Variants in CFAP61 observed in about 807,000 individuals in gnomAD.
CFAP61 encodes the protein cilia- and flagella-associated protein 61.
Under a neutral mutation model 135.6 loss-of-function variants are expected in CFAP61, and 107 were observed. That is an observed-to-expected ratio of 0.79 (90% confidence interval 0.67 to 0.93). The LOEUF is 0.93. Ranked by LOEUF, CFAP61 falls within the 40% of genes least tolerant of loss-of-function variation. The probability of loss-of-function intolerance (pLI) is 0.00; values close to 1 mark genes in which losing one functional copy is unlikely to be tolerated. For synonymous variants in CFAP61, 575 were observed against 578.5 expected (o/e 0.99, Z 0.09); for missense variants, 1,507 against 1,556.2 (o/e 0.97, Z 0.53).
chr20:20,128,036 C>T (rs2050208441), intron 8 of CFAP61, among the ~76,000 whole-genome samples: 1 of 151,770 alleles, frequency 6.6e-6, no homozygotes, highest in South Asian at 2.1e-4. Flanking sequence ...CTCATTCCCA[C>T]TGTGCCCCAC....
intron 25 of CFAP61, among the ~76,000 whole-genome samples, chr20:20,299,974 G>A (rs950453471): frequency 2.6e-5 from 4 of 152,266 alleles, no homozygotes; most frequent in Admixed American, 6.5e-5. Flanking sequence ...GTATGGTCAC[G>A]TGCCACATAA....
intron 8 of CFAP61, among the ~76,000 whole-genome samples, chr20:20,142,325 A>G (rs1345708072): frequency 1.3e-5 from 2 of 152,234 alleles, no homozygotes; most frequent in Non-Finnish European, 2.9e-5. Context: ...CTGGCAGAGC[A>G]TGAGTTCACA....
At chr20:20,228,673 G>A (rs909332412) in intron 18 of CFAP61, 3 of 240,278 alleles carry the variant, frequency 1.2e-5, no homozygotes, top group Non-Finnish European at 2.5e-5. Context: ...CAGATTAGAT[G>A]GCAGACTCCT....
At chr20:20,310,803 T>C (rs999572729) in intron 25 of CFAP61, among the ~76,000 whole-genome samples, 1 of 152,202 alleles carries the variant, frequency 6.6e-6, no homozygotes, top group African/African-American at 2.4e-5. Context: ...TGCCCCCTTC[T>C]GCTACAGCTG....
intron 15 of CFAP61, among the ~76,000 whole-genome samples, chr20:20,192,753 C>T (rs775797934): frequency 6.6e-6 from 1 of 152,062 alleles, no homozygotes; most frequent in African/African-American, 2.4e-5. Context: ...CTTATTTCTA[C>T]GTGTTTTGTG....
intron 7 of CFAP61, among the ~76,000 whole-genome samples, chr20:20,091,639 A>T (rs1018701215): frequency 1.3e-5 from 2 of 152,138 alleles, no homozygotes. Flanking sequence ...CTGCAATACA[A>T]TGATCAAAGC....
intron 21 of CFAP61, among the ~76,000 whole-genome samples, chr20:20,263,543 A>C (rs917276071): frequency 3.9e-5 from 6 of 152,164 alleles, no homozygotes; most frequent in African/African-American, 1.4e-4. Flanking sequence ...TCTTCTTTTC[A>C]CAACCCATTG....
intron 8 of CFAP61, among the ~76,000 whole-genome samples, chr20:20,107,016 C>T (rs557704993): frequency 6.6e-6 from 1 of 152,294 alleles, no homozygotes; most frequent in African/African-American, 2.4e-5. Context: ...GTGTTTGATC[C>T]TGCTGACTTT....
At chr20:20,241,930 CTTA>C (rs1339619164) in intron 18 of CFAP61, among the ~76,000 whole-genome samples, 4 of 151,990 alleles carry the variant, frequency 2.6e-5, no homozygotes, top group Admixed American at 2.0e-4. Flanking sequence ...ATTTTTTATT[CTTA>C]TTATTAGAGG....
intron 20 of CFAP61, 22 bp from the exon 21 acceptor site, chr20:20,262,934 G>A: frequency 3.3e-6 from 5 of 1,531,418 alleles, no homozygotes; most frequent in Non-Finnish European, 4.4e-6. Flanking sequence ...ACTGAAATAA[G>A]CATTTCTCTA....
chr20:20,286,247 C>T (rs1241184778), intron 22 of CFAP61, among the ~76,000 whole-genome samples: 1 of 152,240 alleles, frequency 6.6e-6, no homozygotes, highest in Admixed American at 6.5e-5. Context: ...CAAAGCCTCT[C>T]CACATCCTGC....
intron 25 of CFAP61, among the ~76,000 whole-genome samples, chr20:20,325,567 T>C (rs1324517388): frequency 2.6e-5 from 4 of 152,272 alleles, no homozygotes; most frequent in Non-Finnish European, 5.9e-5. Context: ...TTTTTAGCAC[T>C]GAATAATATT....
rs11445024 is a variant in CFAP61 at position 20,065,616 on chromosome 20, GA to G, written c.144-5224del. 1.4e-3 allele frequency among the ~76,000 whole-genome samples: 185 copies of G among 136,264 alleles called. 2 individuals are homozygous for G. The highest frequency in any genetic ancestry group is 7.0e-3 in the South Asian group (30 of 4,256). 89.4% of individuals were successfully genotyped at this position (136,264 alleles called of 152,430 possible). A position where few individuals can be genotyped will look rare whatever the true frequency, so the allele number is the denominator to read the frequency against. ...TAATGACTTATTTTATAGACATTTT[GA>G]AAAAAAAAAAAAAGGTGGTTCTTTT... On this transcript the variant is annotated intron_variant, in intron 2 of 26. Transcript: ENST00000245957.
rs765689117 is a variant in CFAP61 at position 20,199,894 on chromosome 20, A to C, written c.1924A>C (p.Lys642Gln). The change falls in exon 17 of 27, where the codon AAG becomes CAG. Residue 642 changes from lysine (K) to glutamine (Q), a missense_variant. Physicochemically the swap from Lys to Gln is moderately conservative, Grantham distance 53. Coordinates refer to ENST00000245957, the MANE Select transcript of CFAP61 (RefSeq NM_015585.4). ...GINAPSKAVS[K>Q]DPMSYALNHT... ...AAACGCTCCATCAAAGGCGGTCTCCAAGGATCCGGTGGGTAGCAGGGCGGC... is the reference window on the plus strand; with the variant it reads ...AAACGCTCCATCAAAGGCGGTCTCCCAGGATCCGGTGGGTAGCAGGGCGGC... 1 of 1,613,978 alleles carries C rather than the reference A, an allele frequency of 6.2e-7. No individual in the cohort carries two copies. The highest frequency in any genetic ancestry group is 1.6e-4 in the Middle Eastern group (1 of 6,062).
At chr20:20,169,163 T>C (rs1207198846) in intron 12 of CFAP61, among the ~76,000 whole-genome samples, 158 bp from the exon 13 acceptor site, 1 of 152,258 alleles carries the variant, frequency 6.6e-6, no homozygotes, top group Non-Finnish European at 1.5e-5. Flanking sequence ...TCCTGAATTT[T>C]ATGTGATTAT....
intron 7 of CFAP61, among the ~76,000 whole-genome samples, chr20:20,097,994 G>A (rs2047708864): frequency 6.6e-6 from 1 of 152,146 alleles, no homozygotes; most frequent in Non-Finnish European, 1.5e-5. Flanking sequence ...GTAGACAGGA[G>A]CGCCAGGCTT....
intron 8 of CFAP61, among the ~76,000 whole-genome samples, chr20:20,131,408 C>T (rs1197615547): frequency 5.3e-5 from 8 of 151,972 alleles, no homozygotes; most frequent in East Asian, 1.9e-4. Context: ...CATTTTCAAA[C>T]GCATTAGGAT....
At chr20:20,213,299 C>T (rs1170741460) in intron 17 of CFAP61, among the ~76,000 whole-genome samples, 1 of 152,268 alleles carries the variant, frequency 6.6e-6, no homozygotes, top group East Asian at 1.9e-4. Flanking sequence ...AATATGTTCT[C>T]AAGGCAAACC....
chr20:20,235,165 T>C (rs2049485595), intron 18 of CFAP61, among the ~76,000 whole-genome samples: 1 of 151,664 alleles, frequency 6.6e-6, no homozygotes, highest in African/African-American at 2.4e-5. Flanking sequence ...TTCCCTGGAG[T>C]CTGCAGAACA....
Sources: allele counts gnomAD v4.1 joint callset (sites outside exome capture counted in the v4.1 genomes callset), GRCh38; gene constraint gnomAD v4.1.1; transcripts MANE v1.5; gene names NCBI Gene and HGNC (gene_info 2026-07-23, HGNC 2026-07-21).